Variants in HS3ST2 observed in about 807,000 individuals in gnomAD.
HS3ST2 encodes heparan sulfate-glucosamine 3-sulfotransferase 2.
HS3ST2 carries 17 observed loss-of-function variants against 26.3 expected under a neutral mutation model. The observed-to-expected ratio is 0.65, with a 90% CI of 0.44 to 0.97. The LOEUF (loss-of-function observed/expected upper bound fraction) is 0.97. HS3ST2 is among the 50% of genes least tolerant of loss of function. The probability of loss-of-function intolerance (pLI) is 0.00; values close to 1 mark genes in which losing one functional copy is unlikely to be tolerated. For synonymous variants in HS3ST2, 237 were observed against 219.2 expected, an observed-to-expected ratio of 1.08 and a Z score of -0.72; for missense variants, 402 against 501.2, an observed-to-expected ratio of 0.80 and a Z score of 1.89.
At chr16:22,824,946 A>G (rs1379006627) in intron 1 of HS3ST2, among the ~76,000 whole-genome samples, 2 of 152,182 alleles carry the variant, frequency 1.3e-5, no homozygotes, top group Non-Finnish European at 2.9e-5. Context: ...GCAAGGCCTC[A>G]CGGTGGCACA....
chr16:22,819,148 CT>C (rs750942013), intron 1 of HS3ST2, among the ~76,000 whole-genome samples: 1 of 105,550 alleles, frequency 9.5e-6, no homozygotes, highest in East Asian at 2.8e-4. Flanking sequence ...TCCTTCCTTC[CT>C]TCCTTCCCTC....
At chr16:22,881,343 C>T (rs999978967) in intron 1 of HS3ST2, among the ~76,000 whole-genome samples, 4 of 152,176 alleles carry the variant, frequency 2.6e-5, no homozygotes, top group Non-Finnish European at 4.4e-5. Context: ...GTGGAGCAGA[C>T]ATTTGCGCTG....
chr16:22,831,303 C>T (rs570109660), intron 1 of HS3ST2, among the ~76,000 whole-genome samples: 4 of 152,324 alleles, frequency 2.6e-5, no homozygotes, highest in South Asian at 4.1e-4. Context: ...TTTGATGGAA[C>T]TATATTATTT....
intron 1 of HS3ST2, among the ~76,000 whole-genome samples, chr16:22,857,242 T>C (rs945809414): frequency 1.3e-5 from 2 of 152,366 alleles, no homozygotes; most frequent in African/African-American, 2.4e-5. Context: ...GTTATAATTT[T>C]AAACACAAGT....
At chr16:22,902,380 A>T (rs1567500494) in intron 1 of HS3ST2, among the ~76,000 whole-genome samples, 1 of 152,202 alleles carries the variant, frequency 6.6e-6, no homozygotes. Flanking sequence ...TGCTTAGACA[A>T]TAGTCCAGGG....
intron 1 of HS3ST2, among the ~76,000 whole-genome samples, chr16:22,836,475 T>TGTATCAACCG (rs1019705570): frequency 2.0e-5 from 3 of 152,240 alleles, no homozygotes; most frequent in African/African-American, 7.2e-5. Context: ...GTCTTATAAC[T>TGTATCAACCG]GTATCAACCA....
At chr16:22,905,330 C>T (rs148936642) in intron 1 of HS3ST2, among the ~76,000 whole-genome samples, 57 of 152,214 alleles carry the variant, frequency 3.7e-4, no homozygotes, top group African/African-American at 1.4e-3. Flanking sequence ...GGGAGCTGTC[C>T]TGTGTTCCAC....
At chr16:22,894,705 C>A (rs1902181966) in intron 1 of HS3ST2, among the ~76,000 whole-genome samples, 1 of 151,260 alleles carries the variant, frequency 6.6e-6, no homozygotes, top group Non-Finnish European at 1.5e-5. Context: ...TCAAGACCAG[C>A]CTGGGCAACA....
At chr16:22,859,014 A>G (rs543491554) in intron 1 of HS3ST2, among the ~76,000 whole-genome samples, 8 of 152,090 alleles carry the variant, frequency 5.3e-5, no homozygotes, top group Non-Finnish European at 1.2e-4. Context: ...AAAAATTAAG[A>G]AATTAGATGG....
At chr16:22,821,815 G>T (rs546346785) in intron 1 of HS3ST2, among the ~76,000 whole-genome samples, 20 of 152,134 alleles carry the variant, frequency 1.3e-4, no homozygotes, top group Non-Finnish European at 2.6e-4. Flanking sequence ...GAGGGGAAAT[G>T]ACCTTGTGCT....
chr16:22,897,652 T>TATAACTGTAAAAAATGTAAATTTCATC (rs1567499527), intron 1 of HS3ST2, among the ~76,000 whole-genome samples: 14 of 93,668 alleles, frequency 1.5e-4, no homozygotes, highest in African/African-American at 2.3e-4. Flanking sequence ...AAAATAAGCA[T>TATAACTGTAAAAAATGTAAATTTCATC]CTTTGCCTTG....
At position 22,914,736 on chromosome 16, in the gene HS3ST2, CAAAAAAAAAAA is replaced by C. The variant is rs1159639879; in HGVS notation, c.486-190_486-180del. 2.0e-3 allele frequency among the ~76,000 whole-genome samples: 72 copies of C among 35,952 alleles called. 3 individuals carry two copies. The highest frequency in any genetic ancestry group is 5.8e-3 in the African/African-American group (60 of 10,362). The allele number at this position is 35,952 out of a possible 152,430, so 23.6% of individuals were successfully genotyped here. On this transcript the variant is annotated intron_variant, in intron 1 of 1. Coordinates refer to ENST00000261374, the MANE Select transcript of HS3ST2 (RefSeq NM_006043.2). ...TGGGCGACAGAGTGAGACCTTGTCTCAAAAAAAAAAAAAAAAAAAAAAAAAAAAGAGAAGAA... is the reference window on the plus strand; with the variant it reads ...TGGGCGACAGAGTGAGACCTTGTCTCAAAAAAAAAAAAAAAAAGAGAAGAA...
intron 1 of HS3ST2, among the ~76,000 whole-genome samples, chr16:22,837,395 C>T (rs1273959454): frequency 6.6e-6 from 1 of 151,514 alleles, no homozygotes; most frequent in Non-Finnish European, 1.5e-5. Flanking sequence ...AGTAGTCATC[C>T]CTTATCCAGG....
At position 22,842,706 on chromosome 16, in the gene HS3ST2, C is replaced by T. The variant is rs535929434; in HGVS notation, c.485+27611C>T. Among the ~76,000 whole-genome samples, 244 of 152,268 alleles carry T rather than the reference C, an allele frequency of 1.6e-3. 1 individual carries two copies. The highest frequency in any genetic ancestry group is 2.8e-3 in the Non-Finnish European group (192 of 68,028). On this transcript the variant is annotated intron_variant, in intron 1 of 1. Transcript: ENST00000261374. ...TCTCTACTTCCTCCTCCCAGAGCCT[C>T]CTGTTAGACACATGTTACACCTTTG...
At chr16:22,881,399 AG>A (rs1227662746) in intron 1 of HS3ST2, among the ~76,000 whole-genome samples, 1 of 152,270 alleles carries the variant, frequency 6.6e-6, no homozygotes, top group Non-Finnish European at 1.5e-5. Flanking sequence ...TCAGGCTCCA[AG>A]GGCTCTCCTG....
intron 1 of HS3ST2, among the ~76,000 whole-genome samples, chr16:22,894,326 A>G (rs1218726303): frequency 6.6e-6 from 1 of 152,064 alleles, no homozygotes; most frequent in African/African-American, 2.4e-5. Context: ...CCAAGACATA[A>G]TCTTCCCTCT....
At chr16:22,879,330 G>A (rs1162782755) in intron 1 of HS3ST2, among the ~76,000 whole-genome samples, 1 of 152,214 alleles carries the variant, frequency 6.6e-6, no homozygotes, top group Non-Finnish European at 1.5e-5. Context: ...TAACAGCTAA[G>A]GCCCCGCAGG....
intron 1 of HS3ST2, among the ~76,000 whole-genome samples, chr16:22,824,418 G>A (rs537441142): frequency 3.3e-5 from 5 of 152,204 alleles, no homozygotes; most frequent in Non-Finnish European, 5.9e-5. Context: ...GTGGTGGCAG[G>A]CACCTGTAGT....
chr16:22,911,549 T>A (rs1022048807), intron 1 of HS3ST2, among the ~76,000 whole-genome samples: 3 of 152,192 alleles, frequency 2.0e-5, no homozygotes, highest in Non-Finnish European at 4.4e-5. Flanking sequence ...CAGGGTTGGT[T>A]CCTTCTGACT....
Sources: allele counts gnomAD v4.1 joint callset (sites outside exome capture counted in the v4.1 genomes callset), GRCh38; gene constraint gnomAD v4.1.1; transcripts MANE v1.5; gene names NCBI Gene and HGNC (gene_info 2026-07-23, HGNC 2026-07-21).